The following DHX30 variants were observed in gnomAD, a reference collection of about 807,000 sequenced individuals.
The protein encoded by DHX30 is ATP-dependent RNA helicase DHX30.
A neutral mutation model predicts 116.9 loss-of-function variants in DHX30; 4 were observed. The ratio of observed to expected loss-of-function variants is 0.03; its 90% CI spans 0.02 to 0.08. The LOEUF is 0.08. DHX30 is among the 10% of genes least tolerant of loss of function. The probability of loss-of-function intolerance (pLI) is 1.00; values close to 1 mark genes in which losing one functional copy is unlikely to be tolerated. For missense variants in DHX30, 871 were observed against 1,595.1 expected (o/e 0.55, Z 7.73); for synonymous variants, 697 against 651.7 (o/e 1.07, Z -1.06).
chr3:47,838,366 T>C, intron 6 of DHX30, among the ~76,000 whole-genome samples: 1 of 152,224 alleles, frequency 6.6e-6, no homozygotes, highest in Non-Finnish European at 1.5e-5. Flanking sequence ...GGTTTTTGTC[T>C]CCTCACACAT....
intron 3 of DHX30, among the ~76,000 whole-genome samples, chr3:47,817,653 A>G (rs1434901495): frequency 6.6e-6 from 1 of 152,200 alleles, no homozygotes; most frequent in East Asian, 1.9e-4. Flanking sequence ...AGAAGCAGAC[A>G]CGTGGTGCTT....
At chr3:47,844,550 G>A (rs1367349794) in intron 9 of DHX30, among the ~76,000 whole-genome samples, 1 of 152,222 alleles carries the variant, frequency 6.6e-6, no homozygotes. Flanking sequence ...CACCTCCTGT[G>A]GTATGAGGAC....
intron 4 of DHX30, among the ~76,000 whole-genome samples, chr3:47,818,353 C>T (rs1022767942): frequency 1.3e-5 from 2 of 152,206 alleles, no homozygotes; most frequent in Non-Finnish European, 2.9e-5. Context: ...CCTTGTGTGG[C>T]CTGGACTAAA....
chr3:47,807,923 T>G (rs1211631353), intron 2 of DHX30, among the ~76,000 whole-genome samples: 3 of 151,560 alleles, frequency 2.0e-5, no homozygotes. Context: ...TTTTTAAATT[T>G]TTTTGAGACA....
chr3:47,819,867 C>T (rs903300710), intron 4 of DHX30, among the ~76,000 whole-genome samples: 1 of 152,164 alleles, frequency 6.6e-6, no homozygotes, highest in Non-Finnish European at 1.5e-5. Flanking sequence ...TCTGGCTGTC[C>T]CCTGTCACTC....
At chr3:47,829,315 T>TGTA (rs869292091) in intron 6 of DHX30, among the ~76,000 whole-genome samples, 181 bp downstream of exon 6, 2 of 32,852 alleles carry the variant, frequency 6.1e-5, no homozygotes, top group African/African-American at 2.6e-4. Context: ...TATATATATA[T>TGTA]TTTTTTTTTT....
chr3:47,817,310 C>A (rs2036100982), intron 3 of DHX30, among the ~76,000 whole-genome samples: 1 of 152,202 alleles, frequency 6.6e-6, no homozygotes, highest in Non-Finnish European at 1.5e-5. Context: ...CTTCCTTACC[C>A]ATGTATTTCC....
chr3:47,808,724 C>T (rs531277144), intron 2 of DHX30, among the ~76,000 whole-genome samples: 9 of 146,278 alleles, frequency 6.2e-5, no homozygotes, highest in African/African-American at 1.3e-4. Context: ...TACAGGCATG[C>T]GCCACCACAG....
Position 47,847,655 on chromosome 3 carries a change from A to G in DHX30, c.2110+119A>G. On this transcript the variant is annotated intron_variant, in intron 13 of 21. Transcript: ENST00000445061. This position sits in a 1 kb window ranked among gnomAD's most constrained non-coding sequence, Gnocchi z 5.5. ...TTCTGACCAAGCTGTGGCACTTTTC[A>G]CTGGGCATAGTGTTTATCTGCGCCT... is the stretch of plus-strand genomic sequence containing the variant. The G allele has an allele frequency of 1.4e-6, 2 of 1,459,378 alleles. No homozygotes were observed. Among genetic ancestry groups the G allele is most frequent in the African/African-American group, 1.4e-5 (1 of 70,784 alleles). 90.4% of individuals were successfully genotyped at this position (1,459,378 alleles called of 1,614,324 possible). A position where few individuals can be genotyped will look rare whatever the true frequency, so the allele number is the denominator to read the frequency against.
At chr3:47,818,187 G>A (rs571572878) in intron 4 of DHX30, 70 bp downstream of exon 4, 1 of 735,854 alleles carries the variant, frequency 1.4e-6, no homozygotes, top group African/African-American at 1.7e-5. Flanking sequence ...GGCAATGGGA[G>A]CCCTGGTGCC....
chr3:47,824,191 T>TG (rs1452876774), intron 4 of DHX30, among the ~76,000 whole-genome samples: 1 of 151,776 alleles, frequency 6.6e-6, no homozygotes, highest in Non-Finnish European at 1.5e-5. Flanking sequence ...TTAGTAGAGA[T>TG]GGGGTTTCAC....
At chr3:47,830,331 C>A (rs992735719) in intron 6 of DHX30, among the ~76,000 whole-genome samples, 46 of 151,148 alleles carry the variant, frequency 3.0e-4, no homozygotes, top group Non-Finnish European at 5.6e-4. Context: ...ACCTGTAATC[C>A]CAGCTACTCG....
intron 3 of DHX30, among the ~76,000 whole-genome samples, chr3:47,815,403 G>A (rs2036005513): frequency 6.6e-6 from 1 of 152,126 alleles, no homozygotes; most frequent in African/African-American, 2.4e-5. Context: ...GGAGACACTA[G>A]GGTGAAGAGA....
chr3:47,827,714 T>A (rs2036608999), intron 5 of DHX30, among the ~76,000 whole-genome samples: 1 of 152,154 alleles, frequency 6.6e-6, no homozygotes, highest in African/African-American at 2.4e-5. Context: ...CAGGCGCCTA[T>A]ACGGATCCTT....
At chr3:47,819,123 C>A in intron 4 of DHX30, 1 of 906,722 alleles carries the variant, frequency 1.1e-6, no homozygotes, top group Non-Finnish European at 1.6e-6. Flanking sequence ...TACTTCTAGC[C>A]CCCTGACCAT....
chr3:47,847,597 G>C lies in DHX30; in HGVS notation c.2110+61G>C. On this transcript the variant is annotated intron_variant, in intron 13 of 21. Transcript: ENST00000445061. This position sits in a 1 kb window ranked among gnomAD's most constrained non-coding sequence, Gnocchi z 5.5. Reference sequence around the variant, plus strand: ...AAACCAGCCTGACCTCTGTCCTAGGGACTGACCCAACTGGGACTCCAGGGG... The same window carrying C: ...AAACCAGCCTGACCTCTGTCCTAGGCACTGACCCAACTGGGACTCCAGGGG... The C allele has an allele frequency of 1.3e-6, 2 of 1,497,360 alleles. No individual in the cohort carries two copies. The highest frequency in any genetic ancestry group is 1.8e-6 in the Non-Finnish European group (2 of 1,115,618). 92.8% of individuals were successfully genotyped at this position (1,497,360 alleles called of 1,614,324 possible). A position where few individuals can be genotyped will look rare whatever the true frequency, so the allele number is the denominator to read the frequency against.
At chr3:47,809,795 T>C (rs1473351195) in intron 2 of DHX30, among the ~76,000 whole-genome samples, 3 of 152,160 alleles carry the variant, frequency 2.0e-5, no homozygotes, top group African/African-American at 7.2e-5. Flanking sequence ...CTCCAATCAA[T>C]GTTGGACATG....
intron 3 of DHX30, among the ~76,000 whole-genome samples, chr3:47,814,728 G>A (rs2035971453): frequency 6.6e-6 from 1 of 151,962 alleles, no homozygotes; most frequent in African/African-American, 2.4e-5. Flanking sequence ...CACCATGTTA[G>A]CCAGGATGGC....
intron 4 of DHX30, among the ~76,000 whole-genome samples, chr3:47,821,134 T>G (rs1189432930): frequency 2.6e-5 from 4 of 152,058 alleles, no homozygotes; most frequent in South Asian, 2.1e-4. Flanking sequence ...TTTTGTATTT[T>G]CAGTAGAGAC....
Sources: allele counts gnomAD v4.1 joint callset (sites outside exome capture counted in the v4.1 genomes callset), GRCh38; gene constraint gnomAD v4.1.1; non-coding constraint Gnocchi (gnomAD v3.1); transcripts MANE v1.5; gene names NCBI Gene and HGNC (gene_info 2026-07-23, HGNC 2026-07-21).